TASP1: variants seen among roughly 807,000 people sequenced by gnomAD.
The protein encoded by TASP1 is taspase 1, also known as threonine aspartase 1.
Under a neutral mutation model 56.6 loss-of-function variants are expected in TASP1, and 16 were observed. The ratio of observed to expected loss-of-function variants is 0.28; its 90% CI spans 0.19 to 0.43. TASP1 has a LOEUF of 0.43. Among genes scored for constraint, TASP1 ranks in the 20% least tolerant of loss-of-function variants. The pLI is 1.00. For synonymous variants in TASP1, 179 were observed against 184.2 expected (o/e 0.97, Z 0.23); for missense variants, 393 against 511.6 (o/e 0.77, Z 2.24).
At chr20:13,264,144 A>T in the TASP1 span, among the ~76,000 whole-genome samples, 2 of 152,160 alleles carry the variant, frequency 1.3e-5, no homozygotes, top group Non-Finnish European at 2.9e-5. Context: ...TGGGGGAAGG[A>T]GGAGGGAGTT....
chr20:13,630,347 T>C (rs1296382652), intron 1 of TASP1, among the ~76,000 whole-genome samples, 195 bp from the exon 2 acceptor site: 1 of 152,126 alleles, frequency 6.6e-6, no homozygotes, highest in African/African-American at 2.4e-5. Flanking sequence ...AATTATTTAA[T>C]TGGGTAATAT....
At chr20:13,438,106 T>A (rs1407659063) in intron 11 of TASP1, among the ~76,000 whole-genome samples, 3 of 150,888 alleles carry the variant, frequency 2.0e-5, no homozygotes, top group African/African-American at 7.3e-5. Flanking sequence ...TTCAATGCCA[T>A]CCCCATCAAG....
the TASP1 span, among the ~76,000 whole-genome samples, chr20:13,334,467 T>A: frequency 1.7e-4 from 26 of 152,342 alleles, no homozygotes; most frequent in African/African-American, 6.3e-4. Flanking sequence ...GTCTGCCAAC[T>A]ATCTCTTCTT....
intron 4 of TASP1, among the ~76,000 whole-genome samples, chr20:13,593,981 C>A (rs1010462254): frequency 3.3e-5 from 5 of 152,154 alleles, no homozygotes; most frequent in African/African-American, 1.2e-4. Context: ...CAGGTGGGTG[C>A]CCCTCTGAGA....
the TASP1 span, among the ~76,000 whole-genome samples, chr20:13,224,832 G>GCTTT: frequency 3.4e-5 from 5 of 148,306 alleles, 1 homozygote; most frequent in African/African-American, 7.4e-5. Flanking sequence ...ACACATACTA[G>GCTTT]CTTTCTTTCT....
intron 8 of TASP1, among the ~76,000 whole-genome samples, chr20:13,552,269 C>T (rs2046004901): frequency 6.6e-6 from 1 of 152,124 alleles, no homozygotes; most frequent in Non-Finnish European, 1.5e-5. Context: ...CGATCAGTGA[C>T]CAATCATGAC....
rs540029870 is a variant in TASP1 at position 13,630,080 on chromosome 20, C to A, written c.-2G>T. The A allele has an allele frequency of 6.2e-7, 1 of 1,611,528 alleles. No individual in the cohort carries two copies. The highest frequency in any genetic ancestry group is 8.5e-7 in the Non-Finnish European group (1 of 1,179,330). Reference sequence around the variant, plus strand: ...ACTCATCCCCTTCTCCATGGTCATTCTCCAAGATTACCATCTTCTACTGAG... The same window carrying A: ...ACTCATCCCCTTCTCCATGGTCATTATCCAAGATTACCATCTTCTACTGAG... On this transcript the variant is annotated 5_prime_UTR_variant, in exon 2 of 14. Transcript: ENST00000337743.
chr20:13,301,802 G>A, the TASP1 span, among the ~76,000 whole-genome samples: 1 of 152,080 alleles, frequency 6.6e-6, no homozygotes, highest in Admixed American at 6.6e-5. Context: ...TTAGTCACAT[G>A]AACAGCTCAA....
the TASP1 span, among the ~76,000 whole-genome samples, chr20:13,321,309 G>T: frequency 1.1e-5 from 1 of 87,984 alleles, no homozygotes; most frequent in Non-Finnish European, 2.4e-5. Flanking sequence ...ATGCTGAAAA[G>T]AAAATTAGCA....
At chr20:13,379,288 A>G in the TASP1 span, among the ~76,000 whole-genome samples, 24 of 152,184 alleles carry the variant, frequency 1.6e-4, no homozygotes, top group South Asian at 2.1e-4. Flanking sequence ...AAAATCTCTC[A>G]GCATTTGCTT....
At chr20:13,315,098 C>T in the TASP1 span, among the ~76,000 whole-genome samples, 1 of 151,134 alleles carries the variant, frequency 6.6e-6, no homozygotes, top group African/African-American at 2.4e-5. Flanking sequence ...GTGAAAACCA[C>T]GAAAGGCAGA....
the TASP1 span, among the ~76,000 whole-genome samples, chr20:13,365,141 C>G: frequency 3.2e-3 from 483 of 152,280 alleles, 1 homozygote; most frequent in East Asian, 0.01. Context: ...CTCTATCTGG[C>G]CAACAACCTA....
At chr20:13,543,443 A>G (rs932867860) in intron 8 of TASP1, among the ~76,000 whole-genome samples, 1 of 152,144 alleles carries the variant, frequency 6.6e-6, no homozygotes, top group African/African-American at 2.4e-5. Flanking sequence ...TACTAAAAAT[A>G]TTTTAAAAAA....
intron 10 of TASP1, among the ~76,000 whole-genome samples, chr20:13,493,777 AC>A (rs1463784070): frequency 2.8e-4 from 42 of 152,164 alleles, no homozygotes; most frequent in African/African-American, 9.9e-4. Context: ...CCTCTGGAGA[AC>A]CCTAATACAC....
intron 4 of TASP1, among the ~76,000 whole-genome samples, chr20:13,589,331 T>C (rs1460939991): frequency 2.6e-5 from 4 of 152,106 alleles, no homozygotes; most frequent in Admixed American, 2.6e-4. Flanking sequence ...GTGCTGGGAT[T>C]ACAGGCATGA....
At chr20:13,252,570 G>A in the TASP1 span, among the ~76,000 whole-genome samples, 1 of 152,112 alleles carries the variant, frequency 6.6e-6, no homozygotes, top group Non-Finnish European at 1.5e-5. Context: ...GACCAACATG[G>A]TGAAACCCCG....
intron 4 of TASP1, among the ~76,000 whole-genome samples, chr20:13,590,790 C>T (rs936638659): frequency 5.3e-5 from 8 of 151,764 alleles, no homozygotes; most frequent in South Asian, 4.2e-4. Flanking sequence ...CACTTGAACC[C>T]GGGAGGTGGA....
chr20:13,435,040 T>C lies in TASP1; in HGVS notation c.1096+4A>G, dbSNP rs1568796103. Reference sequence around the variant, plus strand: ...GACACACACAATGTATATGTCTCACTTACCTAGAAGTGTCTGCTTATTTTG... The same window carrying C: ...GACACACACAATGTATATGTCTCACCTACCTAGAAGTGTCTGCTTATTTTG... On this transcript the variant is annotated splice_donor_region_variant and intron_variant, in intron 12 of 13. Coordinates refer to ENST00000337743, the MANE Select transcript of TASP1 (RefSeq NM_017714.3). 1 of 1,600,684 alleles carries C rather than the reference T, an allele frequency of 6.2e-7. No individual in the cohort carries two copies. Among genetic ancestry groups the C allele is most frequent in the African/African-American group, 1.3e-5 (1 of 74,550 alleles).
chr20:13,230,626 C>A, the TASP1 span, among the ~76,000 whole-genome samples: 13 of 151,894 alleles, frequency 8.6e-5, no homozygotes, highest in Non-Finnish European at 1.0e-4. Context: ...CTAAGAGTGT[C>A]CCTCTGTCTC....
Sources: allele counts gnomAD v4.1 joint callset (sites outside exome capture counted in the v4.1 genomes callset), GRCh38; gene constraint gnomAD v4.1.1; transcripts MANE v1.5; gene names NCBI Gene and HGNC (gene_info 2026-07-23, HGNC 2026-07-21).